VWC2: variants seen among roughly 807,000 people sequenced by gnomAD.
The protein encoded by VWC2 is von Willebrand factor C domain containing 2, also known as brorin.
Under a neutral mutation model 29.8 loss-of-function variants are expected in VWC2, and 14 were observed. That is an observed-to-expected ratio of 0.47 (90% CI 0.31 to 0.74). VWC2 has a LOEUF of 0.74. Among genes scored for constraint, VWC2 ranks in the 30% least tolerant of loss-of-function variants. The pLI is 0.05. For synonymous variants in VWC2, 213 were observed against 199.0 expected (o/e 1.07, Z -0.59); for missense variants, 457 against 459.8 (o/e 0.99, Z 0.05).
intron 3 of VWC2, among the ~76,000 whole-genome samples, chr7:49,884,005 T>C (rs571845352): frequency 6.6e-6 from 1 of 152,378 alleles, no homozygotes; most frequent in East Asian, 1.9e-4. Context: ...TTAGCACGAC[T>C]GTGGGTGTGG....
chr7:49,817,893 CAG>C (rs989515215), intron 3 of VWC2, among the ~76,000 whole-genome samples: 15 of 152,174 alleles, frequency 9.9e-5, no homozygotes, highest in Non-Finnish European at 1.6e-4. Context: ...ATTAGGAAAA[CAG>C]AAATTTTTCA....
At chr7:49,778,467 C>G (rs755003192) in intron 2 of VWC2, among the ~76,000 whole-genome samples, 10 of 152,176 alleles carry the variant, frequency 6.6e-5, no homozygotes, top group Non-Finnish European at 1.3e-4. Flanking sequence ...CTTGTTCTTA[C>G]AATATGTCAA....
chr7:49,896,751 T>C (rs1792401654), intron 3 of VWC2, among the ~76,000 whole-genome samples: 1 of 150,292 alleles, frequency 6.7e-6, no homozygotes, highest in Admixed American at 6.6e-5. Flanking sequence ...AGGAATATTA[T>C]CAGCGACTCT....
chr7:49,792,976 C>T (rs1336370487), intron 2 of VWC2, among the ~76,000 whole-genome samples: 2 of 152,210 alleles, frequency 1.3e-5, no homozygotes, highest in Non-Finnish European at 2.9e-5. Context: ...GGACAACGCT[C>T]GTGCTTATTC....
In VWC2 at chr7:49,773,800, C is replaced by A. The variant is rs1351534701; in HGVS notation, c.-417C>A. 1 of 152,372 alleles carries A rather than the reference C, an allele frequency of 6.6e-6. No individual in the cohort carries two copies. Among genetic ancestry groups the A allele is most frequent in the Non-Finnish European group, 1.5e-5 (1 of 68,252 alleles). The allele number at this position is 152,372 out of a possible 1,614,324, so 9.4% of individuals were successfully genotyped here. A position where few individuals can be genotyped will look rare whatever the true frequency, so the allele number is the denominator to read the frequency against. ...GAGGAGCGAGGCGGCGCCAGGGTGG[C>A]CCCCGGGGCGCGCTTGGTCTCGGAG... On this transcript the variant is annotated 5_prime_UTR_variant, in exon 1 of 4. Coordinates refer to ENST00000340652, the MANE Select transcript of VWC2 (RefSeq NM_198570.5).
intron 3 of VWC2, among the ~76,000 whole-genome samples, chr7:49,853,839 T>A (rs1007901807): frequency 1.3e-5 from 2 of 151,576 alleles, no homozygotes; most frequent in East Asian, 1.9e-4. Flanking sequence ...ACATTAGGTA[T>A]ATCTCCTAAT....
At position 49,775,954 on chromosome 7, in the gene VWC2, C is replaced by G. The variant is rs910314343; in HGVS notation, c.519C>G (p.Pro173=). Residue 173 remains proline, a synonymous_variant, in exon 2 of 4, where the codon CCC becomes CCG. Coordinates refer to ENST00000340652, the MANE Select transcript of VWC2 (RefSeq NM_198570.5). ...YAIGEKFAPG[P]SACPCLCTEE... ...TCGGGGAGAAGTTCGCGCCGGGCCC[C>G]TCGGCCTGCCCGTGCCTGTGCACCG... 9 of 1,551,870 alleles carry G rather than the reference C, an allele frequency of 5.8e-6. No individual in the cohort carries two copies. Among genetic ancestry groups the G allele is most frequent in the Non-Finnish European group, 7.8e-6 (9 of 1,150,836 alleles).
intron 3 of VWC2, among the ~76,000 whole-genome samples, chr7:49,897,194 C>T (rs953231600): frequency 6.6e-6 from 1 of 152,094 alleles, no homozygotes; most frequent in African/African-American, 2.4e-5. Context: ...CGCGCCCGGC[C>T]GGATTGATAA....
rs375351015 is a variant in VWC2 at position 49,802,692 on chromosome 7, T to C, written c.697-19T>C. The C allele has an allele frequency of 1.9e-6, 3 of 1,613,910 alleles. No homozygotes were observed. In the African/African-American group the frequency reaches 4.0e-5, roughly 22 times the overall value. On this transcript the variant is annotated intron_variant, in intron 2 of 3. Coordinates refer to ENST00000340652, the MANE Select transcript of VWC2 (RefSeq NM_198570.5). The stretch of plus-strand genomic sequence containing the variant: ...ACATGACAGCAGGCTAAAGTGCTGA[T>C]TGTGGGCTTGTGTTTCAGGTGTCTC...
At chr7:49,881,305 C>G (rs1446473713) in intron 3 of VWC2, among the ~76,000 whole-genome samples, 2 of 152,076 alleles carry the variant, frequency 1.3e-5, no homozygotes, top group African/African-American at 4.8e-5. Context: ...TGCTGCTGGC[C>G]TATAAGAGAC....
chr7:49,862,378 T>C (rs972253850), intron 3 of VWC2, among the ~76,000 whole-genome samples: 3 of 152,162 alleles, frequency 2.0e-5, no homozygotes, highest in Admixed American at 6.5e-5. Context: ...CATGAATTAT[T>C]TGAGGTTTTC....
chr7:49,835,540 C>T (rs1051002281), intron 3 of VWC2, among the ~76,000 whole-genome samples: 2 of 152,124 alleles, frequency 1.3e-5, no homozygotes, highest in Non-Finnish European at 2.9e-5. Flanking sequence ...ATAAACTGAG[C>T]TCAACTTCAA....
chr7:49,780,594 A>G (rs1210927639), intron 2 of VWC2, among the ~76,000 whole-genome samples: 1 of 152,162 alleles, frequency 6.6e-6, no homozygotes, highest in African/African-American at 2.4e-5. Flanking sequence ...AGGATAACTA[A>G]ATCTTCACAT....
rs75011837 is a variant in VWC2 at position 49,891,873 on chromosome 7, TGATA to T, written c.827-20156_827-20153del. Among the ~76,000 whole-genome samples the T allele has an allele frequency of 2.5e-3, 386 of 152,290 alleles. 4 individuals carry two copies. Among genetic ancestry groups the T allele is most frequent in the Non-Finnish European group, 4.6e-3 (312 of 68,014 alleles). On this transcript the variant is annotated intron_variant, in intron 3 of 3. Coordinates refer to ENST00000340652, the MANE Select transcript of VWC2 (RefSeq NM_198570.5). Reference sequence around the variant, plus strand: ...CTATAGTACTCTAACTTTCTGCTATTGATAGATACTTTAAAGTAAATATCTATCA... The same window carrying T: ...CTATAGTACTCTAACTTTCTGCTATTGATACTTTAAAGTAAATATCTATCA...
intron 3 of VWC2, among the ~76,000 whole-genome samples, chr7:49,813,035 C>T (rs1368004922): frequency 3.3e-5 from 5 of 152,180 alleles, no homozygotes; most frequent in South Asian, 2.1e-4. Flanking sequence ...TTGTGCATAA[C>T]GTGGAAGTCC....
chr7:49,782,744 C>T (rs748979873), intron 2 of VWC2, among the ~76,000 whole-genome samples: 2 of 150,860 alleles, frequency 1.3e-5, no homozygotes, highest in Non-Finnish European at 2.9e-5. Flanking sequence ...GACCCAGCTA[C>T]TTGAGAGGCA....
At chr7:49,833,776 G>A (rs1789592923) in intron 3 of VWC2, among the ~76,000 whole-genome samples, 1 of 152,164 alleles carries the variant, frequency 6.6e-6, no homozygotes, top group South Asian at 2.1e-4. Context: ...CAGATGGCTT[G>A]AACCAGACAA....
At position 49,810,608 on chromosome 7, in the gene VWC2, T is replaced by C. The variant is rs117828078; in HGVS notation, c.826+7768T>C. Among the ~76,000 whole-genome samples, 137 of 152,286 alleles carry C rather than the reference T, an allele frequency of 9.0e-4. 3 individuals carry two copies. In the East Asian group the frequency reaches 0.025, roughly 28 times the overall value. ...AAGAACAAAGTTGGAAAATTTGTAC[T>C]ATCCCACTTTGTAACCTATTAGAAA... On this transcript the variant is annotated intron_variant, in intron 3 of 3. Coordinates refer to ENST00000340652, the MANE Select transcript of VWC2 (RefSeq NM_198570.5).
chr7:49,832,562 G>T (rs921787773), intron 3 of VWC2, among the ~76,000 whole-genome samples: 22 of 152,228 alleles, frequency 1.4e-4, no homozygotes, highest in Non-Finnish European at 2.5e-4. Context: ...AAAACAGAGG[G>T]AACTTCCTTA....
Sources: allele counts gnomAD v4.1 joint callset (sites outside exome capture counted in the v4.1 genomes callset), GRCh38; gene constraint gnomAD v4.1.1; transcripts MANE v1.5; gene names NCBI Gene and HGNC (gene_info 2026-07-23, HGNC 2026-07-21).